The following TRAPPC9 variants were observed in gnomAD, a reference collection of about 807,000 sequenced individuals.
TRAPPC9 encodes the protein trafficking protein particle complex subunit 9, also known as IKK2 binding protein.
TRAPPC9 carries 83 observed loss-of-function variants against 124.0 expected under a neutral mutation model. That is an observed-to-expected ratio of 0.67 (90% CI 0.56 to 0.80). The LOEUF is 0.80. Ranked by LOEUF, TRAPPC9 falls within the 30% of genes least tolerant of loss-of-function variation. TRAPPC9 has a pLI of 0.00. For missense variants in TRAPPC9, 1,302 were observed against 1,508.3 expected (o/e 0.86, Z 2.27); for synonymous variants, 638 against 617.5 (o/e 1.03, Z -0.49).
At chr8:139,929,890 C>A (rs1458996161) in intron 19 of TRAPPC9, among the ~76,000 whole-genome samples, 1 of 152,318 alleles carries the variant, frequency 6.6e-6, no homozygotes, top group Non-Finnish European at 1.5e-5. Flanking sequence ...TCCAGCCCAG[C>A]CCCTCTCTGC....
At chr8:140,330,245 C>A (rs1459027722) in intron 9 of TRAPPC9, among the ~76,000 whole-genome samples, 7 of 151,902 alleles carry the variant, frequency 4.6e-5, no homozygotes, top group Admixed American at 2.6e-4. Flanking sequence ...ATCAACTCAG[C>A]TTTTCTTCAT....
At chr8:140,379,317 C>T (rs571742550) in intron 7 of TRAPPC9, among the ~76,000 whole-genome samples, 1 of 152,310 alleles carries the variant, frequency 6.6e-6, no homozygotes, top group Admixed American at 6.5e-5. Context: ...CAAGGCTGTC[C>T]TTCCCATCCT....
At chr8:140,335,509 G>A (rs1030013367) in intron 9 of TRAPPC9, among the ~76,000 whole-genome samples, 2 of 152,072 alleles carry the variant, frequency 1.3e-5, no homozygotes, top group African/African-American at 4.8e-5. Flanking sequence ...AGAAGGAAAA[G>A]AGAATGAATT....
intron 18 of TRAPPC9, among the ~76,000 whole-genome samples, chr8:139,991,849 A>C (rs543769043): frequency 3.9e-5 from 6 of 152,110 alleles, no homozygotes; most frequent in Non-Finnish European, 7.3e-5. Context: ...CGTATTAATA[A>C]AACCACTCTG....
chr8:140,044,032 T>C (rs1217898447), intron 17 of TRAPPC9, among the ~76,000 whole-genome samples: 1 of 152,134 alleles, frequency 6.6e-6, no homozygotes, highest in Non-Finnish European at 1.5e-5. Flanking sequence ...GCAGTTGTTC[T>C]AAACTCAGAT....
rs1286066779 is a variant in TRAPPC9 at position 140,173,398 on chromosome 8, C to G, written c.2556+48061G>C. Among the ~76,000 whole-genome samples the G allele has an allele frequency of 2.6e-5, 4 of 151,950 alleles. No homozygotes were observed. In the South Asian group the frequency reaches 8.3e-4, roughly 32 times the overall value. On this transcript the variant is annotated intron_variant, in intron 17 of 22. Coordinates refer to ENST00000438773, the MANE Select transcript of TRAPPC9 (RefSeq NM_001160372.4). ...TGAAACCCCGTCTCTACTGAAAATACAAGAAATTAGCCAGGCTTGGTGGCG... is the reference window on the plus strand; with the variant it reads ...TGAAACCCCGTCTCTACTGAAAATAGAAGAAATTAGCCAGGCTTGGTGGCG...
At chr8:140,171,935 C>T (rs1469518486) in intron 17 of TRAPPC9, among the ~76,000 whole-genome samples, 4 of 152,096 alleles carry the variant, frequency 2.6e-5, no homozygotes, top group East Asian at 1.9e-4. Flanking sequence ...GAGTATCTGG[C>T]GGCGTGAGGA....
chr8:140,242,579 C>T (rs998456582), intron 16 of TRAPPC9, among the ~76,000 whole-genome samples: 2 of 152,108 alleles, frequency 1.3e-5, no homozygotes, highest in South Asian at 2.1e-4. Flanking sequence ...GAGGTGTTTT[C>T]GGGGCTGCCA....
intron 17 of TRAPPC9, among the ~76,000 whole-genome samples, chr8:140,101,541 G>GTTTTTTT (rs11387005): frequency 8.7e-6 from 1 of 114,958 alleles, no homozygotes; most frequent in Non-Finnish European, 1.7e-5. Flanking sequence ...TCTTTTTTTT[G>GTTTTTTT]TTTTTTTTTT....
chr8:140,001,470 A>G (rs1838400570), intron 18 of TRAPPC9, among the ~76,000 whole-genome samples: 1 of 152,300 alleles, frequency 6.6e-6, no homozygotes, highest in Admixed American at 6.5e-5. Flanking sequence ...AAGGGCAGAA[A>G]TGAATTAAAA....
At chr8:140,153,550 A>T (rs2061581905) in intron 17 of TRAPPC9, among the ~76,000 whole-genome samples, 1 of 152,110 alleles carries the variant, frequency 6.6e-6, no homozygotes, top group Non-Finnish European at 1.5e-5. Flanking sequence ...TTCTCCATAG[A>T]CAATCAATTC....
intron 5 of TRAPPC9, among the ~76,000 whole-genome samples, chr8:140,423,741 C>A (rs748460830): frequency 1.3e-5 from 2 of 151,236 alleles, no homozygotes; most frequent in Non-Finnish European, 1.5e-5. Context: ...TACATATACA[C>A]ACATATATAT....
intron 12 of TRAPPC9, among the ~76,000 whole-genome samples, chr8:140,290,246 A>C (rs1373929227): frequency 6.6e-6 from 1 of 152,188 alleles, no homozygotes; most frequent in Non-Finnish European, 1.5e-5. Flanking sequence ...CTTACCCTGA[A>C]CACCAGTCAT....
chr8:139,851,551 C>A (rs1827463652), intron 21 of TRAPPC9, among the ~76,000 whole-genome samples: 1 of 152,134 alleles, frequency 6.6e-6, no homozygotes, highest in African/African-American at 2.4e-5. Flanking sequence ...TCCATCAGAG[C>A]AGGTCCCTGA....
intron 19 of TRAPPC9, among the ~76,000 whole-genome samples, chr8:139,976,739 T>A (rs1179383140): frequency 2.0e-5 from 3 of 151,900 alleles, no homozygotes; most frequent in African/African-American, 4.8e-5. Context: ...CCTTGCAGAG[T>A]CTGGCAGGGA....
In TRAPPC9 at chr8:139,791,422, C is replaced by T. The variant is rs576034909; in HGVS notation, c.3056-59220G>A. The stretch of plus-strand genomic sequence containing the variant: ...CTGCACAGACTCACACACACACTCA[C>T]ACAGGTGTGTCTCCTGTGCACAGAC... On this transcript the variant is annotated intron_variant, in intron 21 of 22. Transcript: ENST00000438773. 2.0e-5 allele frequency among the ~76,000 whole-genome samples: 3 copies of T among 151,152 alleles called. No individual in the cohort carries two copies. In the South Asian group the frequency reaches 6.3e-4, roughly 32 times the overall value.
chr8:139,869,808 T>A (rs35475876), intron 21 of TRAPPC9, among the ~76,000 whole-genome samples: 61,972 of 152,016 alleles, frequency 0.41, 12,910 homozygotes, highest in East Asian at 0.65. Context: ...AAAAACTATC[T>A]TTTAACTCTC....
At chr8:139,988,105 CTTT>C (rs773534032) in intron 19 of TRAPPC9, among the ~76,000 whole-genome samples, 8 of 114,460 alleles carry the variant, frequency 7.0e-5, no homozygotes, top group African/African-American at 1.3e-4. Flanking sequence ...GATACCACCT[CTTT>C]TTTTTTTTTT....
At chr8:140,444,073 A>C (rs1588368533) in intron 2 of TRAPPC9, among the ~76,000 whole-genome samples, 2 of 147,058 alleles carry the variant, frequency 1.4e-5, no homozygotes, top group South Asian at 4.3e-4. Context: ...TTAGCCGGGC[A>C]TGGTGGCACA....
Sources: allele counts gnomAD v4.1 joint callset (sites outside exome capture counted in the v4.1 genomes callset), GRCh38; gene constraint gnomAD v4.1.1; transcripts MANE v1.5; gene names NCBI Gene and HGNC (gene_info 2026-07-23, HGNC 2026-07-21).